ABI1: variants seen among roughly 807,000 people sequenced by gnomAD.
The protein encoded by ABI1 is abl interactor 1, also known as Abelson interactor 1.
Under a neutral mutation model 54.6 loss-of-function variants are expected in ABI1, and 14 were observed. The observed-to-expected ratio is 0.26, with a 90% CI of 0.17 to 0.40. ABI1 has a LOEUF of 0.40. Among genes scored for constraint, ABI1 ranks in the 10% least tolerant of loss-of-function variants. ABI1 has a pLI of 1.00. For synonymous variants in ABI1, 194 were observed against 209.3 expected, an observed-to-expected ratio of 0.93 and a Z score of 0.63; for missense variants, 443 against 598.3, an observed-to-expected ratio of 0.74 and a Z score of 2.71.
At chr10:26,751,847 C>A in intron 9 of ABI1, 64 bp from the exon 10 acceptor site, 1 of 1,422,744 alleles carries the variant, frequency 7.0e-7, no homozygotes, top group Non-Finnish European at 9.4e-7. Flanking sequence ...TATAAGTTAA[C>A]AGAATTTAAG....
intron 7 of ABI1, among the ~76,000 whole-genome samples, chr10:26,762,303 C>T (rs572190840): frequency 6.6e-6 from 1 of 152,132 alleles, no homozygotes; most frequent in Non-Finnish European, 1.5e-5. Context: ...CCACTGTGCC[C>T]AGCCTTACAG....
At chr10:26,765,115 T>G (rs981771500) in intron 7 of ABI1, 103 bp downstream of exon 7, 1 of 820,768 alleles carries the variant, frequency 1.2e-6, no homozygotes, top group African/African-American at 1.8e-5. Context: ...CGATCACAAA[T>G]TTAATTAATA....
chr10:26,759,052 AC>A lies in ABI1; in HGVS notation c.997+9del, dbSNP rs749028434. 7.4e-4 allele frequency: 1,194 copies of A among 1,612,178 alleles called. No homozygotes were observed. The highest frequency in any genetic ancestry group is 1.5e-3 in the Middle Eastern group (9 of 6,050). On this transcript the variant is annotated intron_variant, in intron 8 of 10. Coordinates refer to ENST00000376140, the MANE Select transcript of ABI1 (RefSeq NM_001012750.3). ...CACTGTTGCTGTATGCCTGCAAAGC[AC>A]AAGCTTACTTGAATTTTGAGAATAA...
intron 1 of ABI1, among the ~76,000 whole-genome samples, chr10:26,859,948 C>A (rs772357392): frequency 1.3e-5 from 2 of 151,920 alleles, no homozygotes; most frequent in Non-Finnish European, 2.9e-5. Flanking sequence ...CTAACAACCT[C>A]TTAGAATACA....
At chr10:26,766,563 C>A (rs1488444336) in intron 6 of ABI1, among the ~76,000 whole-genome samples, 3 of 152,124 alleles carry the variant, frequency 2.0e-5, no homozygotes. Context: ...AGAAAAAAGT[C>A]ATTTATAAAA....
intron 9 of ABI1, among the ~76,000 whole-genome samples, chr10:26,753,655 G>A (rs890680067): frequency 1.3e-5 from 2 of 152,078 alleles, no homozygotes; most frequent in Admixed American, 6.6e-5. Flanking sequence ...CACCCACTTT[G>A]AGTGTCATAA....
At chr10:26,859,491 C>T (rs935235729) in intron 1 of ABI1, among the ~76,000 whole-genome samples, 1 of 152,198 alleles carries the variant, frequency 6.6e-6, no homozygotes, top group Admixed American at 6.5e-5. Context: ...TTGGCCTTGC[C>T]TTACCAAAAG....
chr10:26,775,317 C>T (rs1049062713), intron 3 of ABI1, among the ~76,000 whole-genome samples: 7 of 152,132 alleles, frequency 4.6e-5, no homozygotes, highest in Non-Finnish European at 8.8e-5. Context: ...AAATAATCAG[C>T]TTCTAAAATA....
chr10:26,811,771 T>C (rs188930360), intron 2 of ABI1, among the ~76,000 whole-genome samples: 4 of 132,644 alleles, frequency 3.0e-5, no homozygotes, highest in African/African-American at 1.1e-4. Flanking sequence ...TTGTATAAAT[T>C]TGTATAAATT....
chr10:26,820,256 T>G (rs2047883420), intron 2 of ABI1, among the ~76,000 whole-genome samples: 1 of 152,194 alleles, frequency 6.6e-6, no homozygotes, highest in Non-Finnish European at 1.5e-5. Flanking sequence ...TGGTAATCAT[T>G]TCACAATGTA....
intron 1 of ABI1, among the ~76,000 whole-genome samples, chr10:26,841,961 CTGGGTCA>C (rs2049549307): frequency 6.6e-6 from 1 of 151,970 alleles, no homozygotes; most frequent in African/African-American, 2.4e-5. Context: ...TAAGGAATTG[CTGGGTCA>C]TATAGTACTT....
At chr10:26,796,274 T>C (rs995819134) in intron 2 of ABI1, among the ~76,000 whole-genome samples, 2 of 152,224 alleles carry the variant, frequency 1.3e-5, no homozygotes, top group African/African-American at 4.8e-5. Context: ...TATTGTACAG[T>C]CATGTGTCAC....
At chr10:26,753,040 G>A (rs997647293) in intron 9 of ABI1, among the ~76,000 whole-genome samples, 26 of 152,064 alleles carry the variant, frequency 1.7e-4, no homozygotes, top group Admixed American at 5.2e-4. Flanking sequence ...AGGTTTAAAC[G>A]TTTAGTCTAC....
At chr10:26,773,038 A>G (rs553363666) in intron 3 of ABI1, among the ~76,000 whole-genome samples, 33 of 152,050 alleles carry the variant, frequency 2.2e-4, no homozygotes, top group Non-Finnish European at 3.7e-4. Context: ...ATTGCACTTC[A>G]GTGAGACCCT....
chr10:26,828,022 G>C (rs2133868060), intron 1 of ABI1, among the ~76,000 whole-genome samples: 1 of 152,344 alleles, frequency 6.6e-6, no homozygotes. Context: ...GCCTATCTCA[G>C]CTTTTGACTT....
At chr10:26,755,769 A>G in intron 8 of ABI1, 28 bp from the exon 9 acceptor site, 2 of 1,464,162 alleles carry the variant, frequency 1.4e-6, no homozygotes, top group Non-Finnish European at 1.9e-6. Context: ...GTATGGGGGA[A>G]GTAAAACAGA....
intron 2 of ABI1, among the ~76,000 whole-genome samples, chr10:26,796,199 T>G (rs1844139152): frequency 6.6e-6 from 1 of 152,160 alleles, no homozygotes; most frequent in South Asian, 2.1e-4. Context: ...AGATACAAAA[T>G]AGCAGATATT....
rs76996854 is a variant in ABI1 at position 26,794,677 on chromosome 10, T to C, written c.286-17436A>G. 8.8e-3 allele frequency among the ~76,000 whole-genome samples: 1,344 copies of C among 152,004 alleles called. 18 individuals are homozygous for C. The highest frequency in any genetic ancestry group is 0.027 in the African/African-American group (1,137 of 41,442). On this transcript the variant is annotated intron_variant, in intron 2 of 10. Transcript: ENST00000376140. ...AAATGAAGCAATATATAGAATGGAT[T>C]TTCAACAGTGTCTGGCATGTAGAAA...
intron 4 of ABI1, 128 bp from the exon 5 acceptor site, chr10:26,770,473 TTTG>T: frequency 1.0e-6 from 1 of 968,042 alleles, no homozygotes; most frequent in Non-Finnish European, 1.7e-6. Flanking sequence ...GAATAAAGAC[TTTG>T]GTACTACAGT....
Sources: gnomAD v4.1 joint callset for allele counts (sites outside exome capture counted in the v4.1 genomes callset) on GRCh38, gnomAD v4.1.1 for gene constraint, MANE v1.5 for transcripts, NCBI Gene and HGNC (gene_info 2026-07-23, HGNC 2026-07-21) for gene names.